The following NECAP2 variants were observed in gnomAD, a reference collection of about 807,000 sequenced individuals.
The protein encoded by NECAP2 is NECAP endocytosis associated 2.
In NECAP2, 38 loss-of-function variants were observed where a neutral mutation model predicts 37.8. That is an observed-to-expected ratio of 1.01 (90% CI 0.78 to 1.32). The LOEUF is 1.32. Among genes scored for constraint, NECAP2 ranks in the 40% most tolerant of loss-of-function variants. NECAP2 has a pLI of 0.00. For missense variants in NECAP2, 316 were observed against 334.5 expected, an observed-to-expected ratio of 0.94 and a Z score of 0.43; for synonymous variants, 121 against 127.7, an observed-to-expected ratio of 0.95 and a Z score of 0.35.
intron 7 of NECAP2, among the ~76,000 whole-genome samples, chr1:16,456,420 G>A (rs1055621780): frequency 4.6e-5 from 7 of 152,200 alleles, no homozygotes; most frequent in African/African-American, 7.2e-5. Context: ...CTGCTTTCCA[G>A]TGCTATATAG....
At chr1:16,454,121 G>A (rs549995126) in intron 6 of NECAP2, among the ~76,000 whole-genome samples, 7 of 149,752 alleles carry the variant, frequency 4.7e-5, no homozygotes, top group Admixed American at 4.7e-4. Flanking sequence ...GTGTGATGGC[G>A]CAATCTCGGC....
At chr1:16,453,956 TA>T (rs2086882632) in intron 6 of NECAP2, among the ~76,000 whole-genome samples, 2 of 152,252 alleles carry the variant, frequency 1.3e-5, no homozygotes, top group Non-Finnish European at 2.9e-5. Context: ...TGGTGTCAGA[TA>T]ATAAGTCATG....
chr1:16,452,915 C>G (rs1158623394), intron 6 of NECAP2, among the ~76,000 whole-genome samples: 1 of 152,120 alleles, frequency 6.6e-6, no homozygotes, highest in East Asian at 1.9e-4. Flanking sequence ...CTAAGCCTCC[C>G]CAACATTGGC....
intron 7 of NECAP2, among the ~76,000 whole-genome samples, chr1:16,458,566 G>A (rs1439373082): frequency 6.6e-6 from 1 of 151,764 alleles, no homozygotes; most frequent in East Asian, 1.9e-4. Flanking sequence ...ATTCCAGCCT[G>A]GGCGACAGTG....
chr1:16,443,384 T>G (rs1350132286), intron 1 of NECAP2, among the ~76,000 whole-genome samples: 1 of 152,246 alleles, frequency 6.6e-6, no homozygotes, highest in African/African-American at 2.4e-5. Context: ...CTGTGCTCAG[T>G]AGAAAATAGT....
At chr1:16,440,902 C>G (rs1302722381) in intron 1 of NECAP2, 49 bp downstream of exon 1, 1 of 1,526,914 alleles carries the variant, frequency 6.5e-7, no homozygotes, top group Non-Finnish European at 9.1e-7. Flanking sequence ...ACCCTTTCTC[C>G]GCCACCCGGA....
At position 16,458,703 on chromosome 1, in the gene NECAP2, G is replaced by T. The variant is rs568522240; in HGVS notation, c.744-139G>T. ...AGGGCCAGATTTGGTCTCTGTGCCA[G>T]AGTTTGCTGACTGCTGCTCTAGAAC... is the stretch of plus-strand genomic sequence containing the variant. On this transcript the variant is annotated intron_variant, in intron 7 of 7. Transcript: ENST00000337132. 56 of 790,898 alleles carry T rather than the reference G, an allele frequency of 7.1e-5. No individual in the cohort carries two copies. In the South Asian group the frequency reaches 9.0e-4, roughly 13 times the overall value. The allele number at this position is 790,898 out of a possible 1,614,324, so 49.0% of individuals were successfully genotyped here.
At chr1:16,456,593 G>A (rs984550109) in intron 7 of NECAP2, among the ~76,000 whole-genome samples, 1 of 152,144 alleles carries the variant, frequency 6.6e-6, no homozygotes, top group Non-Finnish European at 1.5e-5. Context: ...CTCATAGAAC[G>A]CCTGAGGCTA....
Position 16,447,987 on chromosome 1 carries a change from C to T in NECAP2, c.298+13C>T, listed in dbSNP as rs1171686317. 2 of 1,613,702 alleles carry T rather than the reference C, an allele frequency of 1.2e-6. No homozygotes were observed. The highest frequency in any genetic ancestry group is 2.2e-5 in the East Asian group (1 of 44,886). Reference sequence around the variant, plus strand: ...GAAGATGGAAATGGTAGGCATGGGTCCTGGTGCTTCCTCCTCTTGGGAAAG... The same window carrying T: ...GAAGATGGAAATGGTAGGCATGGGTTCTGGTGCTTCCTCCTCTTGGGAAAG... On this transcript the variant is annotated intron_variant, in intron 3 of 7. Coordinates refer to ENST00000337132, the MANE Select transcript of NECAP2 (RefSeq NM_018090.5).
chr1:16,442,847 A>T (rs2086708349), intron 1 of NECAP2, among the ~76,000 whole-genome samples: 1 of 152,144 alleles, frequency 6.6e-6, no homozygotes, highest in Non-Finnish European at 1.5e-5. Flanking sequence ...TCTTGAGCTC[A>T]GGAGGTTGAG....
chr1:16,458,099 G>A (rs2086955568), intron 7 of NECAP2, among the ~76,000 whole-genome samples: 1 of 152,188 alleles, frequency 6.6e-6, no homozygotes, highest in Non-Finnish European at 1.5e-5. Context: ...TTCTTGAACA[G>A]TTTTTAGCCT....
At chr1:16,448,977 C>T (rs1437863461) in intron 4 of NECAP2, 116 bp from the exon 5 acceptor site, 1 of 663,214 alleles carries the variant, frequency 1.5e-6, no homozygotes, top group Non-Finnish European at 2.6e-6. Flanking sequence ...TTCCAGCACC[C>T]CGTCTCACTA....
intron 2 of NECAP2, among the ~76,000 whole-genome samples, chr1:16,444,883 C>T (rs949765980): frequency 3.3e-5 from 5 of 152,164 alleles, no homozygotes; most frequent in African/African-American, 9.7e-5. Flanking sequence ...AGTGCAGTGG[C>T]ACGATCTCAG....
At chr1:16,451,755 AC>A (rs2100961477) in intron 5 of NECAP2, 82 bp from the exon 6 acceptor site, 1 of 1,502,882 alleles carries the variant, frequency 6.7e-7, no homozygotes, top group Non-Finnish European at 9.2e-7. Context: ...GTCTGGGGTC[AC>A]CTTGGCCCTC....
At chr1:16,450,538 TG>T (rs1365921048) in intron 5 of NECAP2, 1 of 156,746 alleles carries the variant, frequency 6.4e-6, no homozygotes, top group African/African-American at 2.4e-5. Flanking sequence ...TAACTTGTGC[TG>T]CTTTCTGGCT....
chr1:16,444,532 T>C (rs891570761), intron 2 of NECAP2, among the ~76,000 whole-genome samples: 1 of 152,242 alleles, frequency 6.6e-6, no homozygotes, highest in African/African-American at 2.4e-5. Flanking sequence ...TCTGGGGCCT[T>C]GGCCTCCTCC....
chr1:16,457,822 C>T (rs1392556291), intron 7 of NECAP2, among the ~76,000 whole-genome samples: 5 of 147,878 alleles, frequency 3.4e-5, no homozygotes, highest in Admixed American at 2.1e-4. Flanking sequence ...AGGTGATTAT[C>T]CCTTAGCCTC....
rs763467824 is a variant in NECAP2, at chr1:16,447,891, C to T, written c.215C>T (p.Pro72Leu). Residue 72 changes from proline (P) to leucine (L), a missense_variant, in exon 3 of 8, where the codon CCG becomes CTG. By Grantham distance (98) the Pro-to-Leu change is moderately conservative (BLOSUM62 -3). Around this residue, in one of 3 missense-constraint regions of NECAP2, gnomAD observed 81 missense variants for 124.2 expected, o/e 0.65. Transcript: ENST00000337132. Reference sequence around the variant, plus strand: ...TCAGGGGAGCTCTTTGCTCAGGCCCCGGTGGATCAGTTTCCTGGCACAGCT... The same window carrying T: ...TCAGGGGAGCTCTTTGCTCAGGCCCTGGTGGATCAGTTTCCTGGCACAGCT... ...RTSGELFAQA[P>L]VDQFPGTAVE... 30 of 1,613,924 alleles carry T rather than the reference C, an allele frequency of 1.9e-5. No homozygotes were observed. The highest frequency in any genetic ancestry group is 1.3e-4 in the South Asian group (12 of 91,070).
chr1:16,451,573 A>AGTTCTCT, intron 5 of NECAP2: 1 of 497,420 alleles, frequency 2.0e-6, no homozygotes, highest in Non-Finnish European at 3.6e-6. Context: ...GTGAGCGTGT[A>AGTTCTCT]ATGGTATATC....
Sources: allele counts gnomAD v4.1 joint callset (sites outside exome capture counted in the v4.1 genomes callset), GRCh38; gene constraint gnomAD v4.1.1; regional missense constraint gnomAD v4.1.1; transcripts MANE v1.5; gene names NCBI Gene and HGNC (gene_info 2026-07-23, HGNC 2026-07-21).